Variants in SALL1 observed in about 807,000 individuals in gnomAD.
SALL1 encodes the protein spalt like transcription factor 1.
A neutral mutation model predicts 73.1 loss-of-function variants in SALL1; 10 were observed. The observed-to-expected ratio is 0.14, with a 90% CI of 0.08 to 0.23. The LOEUF (loss-of-function observed/expected upper bound fraction) is 0.23. Among genes scored for constraint, SALL1 ranks in the 10% least tolerant of loss-of-function variants. The probability of loss-of-function intolerance (pLI) is 1.00; values close to 1 mark genes in which losing one functional copy is unlikely to be tolerated. For missense variants in SALL1, 1,520 were observed against 1,697.3 expected (o/e 0.90, Z 1.84); for synonymous variants, 688 against 689.8 (o/e 1.00, Z 0.04).
chr16:51,149,259 CTTT>C (rs535438423), intron 1 of SALL1: 1 of 147,380 alleles, frequency 6.8e-6, no homozygotes, highest in African/African-American at 2.5e-5. Flanking sequence ...AAGGCCGAGA[CTTT>C]TTTTTTTTAA....
At chr16:51,151,288 A>T, upstream of SALL1, 3 of 1,388,880 alleles carry the variant, frequency 2.2e-6, no homozygotes, top group Non-Finnish European at 2.9e-6. Flanking sequence ...TACTAAAAAA[A>T]AATCTTCTCA....
In SALL1 at chr16:51,141,542, G is replaced by C. The variant is rs547591595; in HGVS notation, c.680C>G (p.Pro227Arg). ...GGASGGKLAVPALMEQLLALQ... is the reference protein window; with the variant it reads ...GGASGGKLAVRALMEQLLALQ... ...AGCTAGGAGTTGTTCCATGAGGGCT[G>C]GGACGGCCAGCTTGCCCCCAGAGGC... The change falls in exon 2 of 3, where the codon CCA becomes CGA. Residue 227 changes from proline to arginine, a missense_variant. Transcript: ENST00000251020. This position sits in a 1 kb window ranked among gnomAD's most constrained non-coding sequence, Gnocchi z 5.4. The C allele has an allele frequency of 1.9e-6, 3 of 1,614,108 alleles. No individual in the cohort carries two copies. The African/African-American group carries it at 4.0e-5, about 22-fold the overall frequency.
chr16:51,136,331 A>G lies in SALL1; in HGVS notation c.*781T>C, dbSNP rs1335435978. ...GCAGCATTGTGAAATTCCAGCACAC[A>G]TTTTCTATCGTGAATATACCTACAA... On this transcript the variant is annotated 3_prime_UTR_variant, in exon 3 of 3. Transcript: ENST00000251020. The G allele has an allele frequency of 6.6e-6, 1 of 152,608 alleles. No homozygotes were observed. The highest frequency in any genetic ancestry group is 1.5e-5 in the Non-Finnish European group (1 of 68,042). 9.5% of individuals were successfully genotyped at this position (152,608 alleles called of 1,614,324 possible). A position where few individuals can be genotyped will look rare whatever the true frequency, so the allele number is the denominator to read the frequency against.
In SALL1 at chr16:51,137,526, A is replaced by G. The variant is rs1962334470; in HGVS notation, c.3561T>C (p.Asn1187=). The G allele has an allele frequency of 6.2e-7, 1 of 1,613,516 alleles. No homozygotes were observed. Among genetic ancestry groups the G allele is most frequent in the South Asian group, 1.1e-5 (1 of 91,046 alleles). ...GCCGACCCCGTCGTGCAGGGGTGCT[A>G]TTCCACATGTGAGTGCCCATGTGTA... ...LKVHMGTHMW[N]STPARRGRRL... is the part of the protein sequence containing the mutation. Residue 1187 remains asparagine, a synonymous_variant, in exon 3 of 3, where the codon AAT becomes AAC. Coordinates refer to ENST00000251020, the MANE Select transcript of SALL1 (RefSeq NM_002968.3).
At position 51,140,376 on chromosome 16, in the gene SALL1, T is replaced by A; in HGVS notation, c.1846A>T (p.Thr616Ser). Reference sequence around the variant, plus strand: ...CTTTTGCCACCAGAGGGTGGCAGAGTGGACCCTTCGGCTTCCTCTGGGAGC... The same window carrying A: ...CTTTTGCCACCAGAGGGTGGCAGAGAGGACCCTTCGGCTTCCTCTGGGAGC... ...GGLPEEAEGS[T>S]LPPSGGKSEE... The change falls in exon 2 of 3, where the codon ACT (threonine) becomes TCT (serine). Residue 616 changes from threonine (T) to serine (S), a missense_variant. Physicochemically the swap from Thr to Ser is moderately conservative, Grantham distance 58. This residue lies in a region of SALL1 where 276 missense variants were observed against 259.1 expected (regional missense o/e 1.07). Coordinates refer to ENST00000251020, the MANE Select transcript of SALL1 (RefSeq NM_002968.3). The surrounding 1 kb of genome is among the most constrained non-coding windows in gnomAD (Gnocchi z 5.7). 1 of 1,614,052 alleles carries A rather than the reference T, an allele frequency of 6.2e-7. No individual in the cohort carries two copies. The highest frequency in any genetic ancestry group is 1.1e-5 in the South Asian group (1 of 91,078).
At chr16:51,149,620 G>A (rs1168091622) in intron 1 of SALL1, 1 of 152,198 alleles carries the variant, frequency 6.6e-6, no homozygotes, top group South Asian at 2.1e-4. Context: ...AACACTGGGG[G>A]CCGGGAGGAG....
rs747240842 is a variant in SALL1, at chr16:51,142,039, G to A, written c.183C>T (p.His61=). Reference sequence around the variant, plus strand: ...ATTGATTTTTAGTACAGTTCTTCTTGTGGAGCAGAAGATCTGATAATTCAA... The same window carrying A: ...ATTGATTTTTAGTACAGTTCTTCTTATGGAGCAGAAGATCTGATAATTCAA... The part of the protein sequence containing the change: ...EFFELSDLLL[H]KKNCTKNQLV... The change falls in exon 2 of 3, where the codon CAC becomes CAT. Residue 61 remains histidine, a synonymous_variant. Transcript: ENST00000251020. 16 of 1,613,706 alleles carry A rather than the reference G, an allele frequency of 9.9e-6. No homozygotes were observed. The highest frequency in any genetic ancestry group is 1.4e-5 in the Non-Finnish European group (16 of 1,179,782).
chr16:51,151,287 A>C (rs1962600207), upstream of SALL1: 3 of 1,397,916 alleles, frequency 2.1e-6, no homozygotes, highest in African/African-American at 1.5e-5. Flanking sequence ...TTACTAAAAA[A>C]AAATCTTCTC....
At chr16:51,148,449 A>C (rs545451969) in intron 1 of SALL1, among the ~76,000 whole-genome samples, 2 of 152,258 alleles carry the variant, frequency 1.3e-5, no homozygotes, top group Non-Finnish European at 2.9e-5. Flanking sequence ...TTCAAAGACC[A>C]TCTCAAGACA....
Position 51,136,630 on chromosome 16 carries a change from G to T in SALL1, c.*482C>A. On this transcript the variant is annotated 3_prime_UTR_variant, in exon 3 of 3. Coordinates refer to ENST00000251020, the MANE Select transcript of SALL1 (RefSeq NM_002968.3). ...TCCTTTCCTTAAATCTGTTTTGAAA[G>T]ATTAGACAATGTGTTTGCTGATAAA... is the stretch of plus-strand genomic sequence containing the variant. 1 of 164,770 alleles carries T rather than the reference G, an allele frequency of 6.1e-6. No individual in the cohort carries two copies. Among genetic ancestry groups the T allele is most frequent in the Admixed American group, 5.8e-5 (1 of 17,242 alleles). 10.2% of individuals were successfully genotyped at this position (164,770 alleles called of 1,614,324 possible).
At chr16:51,149,511 C>T (rs1236670160) in intron 1 of SALL1, 1 of 152,176 alleles carries the variant, frequency 6.6e-6, no homozygotes, top group Non-Finnish European at 1.5e-5. Flanking sequence ...ATCTACCCCG[C>T]GTGCTCGCTT....
chr16:51,151,600 C>G (rs902805470), upstream of SALL1, among the ~76,000 whole-genome samples: 3 of 151,336 alleles, frequency 2.0e-5, no homozygotes, highest in Admixed American at 6.6e-5. Context: ...CCGCGCCGCC[C>G]GACACTGGGT....
At position 51,139,746 on chromosome 16, in the gene SALL1, C is replaced by T. The variant is rs554506639; in HGVS notation, c.2476G>A (p.Asp826Asn). ...KNFDDLDNFS[D>N]ENMEDCPEGS... ...TCAGGACAGTCTTCCATGTTTTCATCAGAGAAGTTGTCTAGGTCATCAAAA... is the reference window on the plus strand; with the variant it reads ...TCAGGACAGTCTTCCATGTTTTCATTAGAGAAGTTGTCTAGGTCATCAAAA... The change falls in exon 2 of 3, where the codon GAT (aspartate) becomes AAT (asparagine). Residue 826 changes from aspartate (D) to asparagine (N), a missense_variant. This residue lies in a region of SALL1 where 266 missense variants were observed against 275.1 expected (regional missense o/e 0.97). Transcript: ENST00000251020. 1.9e-6 allele frequency: 3 copies of T among 1,614,192 alleles called. No individual in the cohort carries two copies. Among genetic ancestry groups the T allele is most frequent in the Admixed American group, 3.3e-5 (2 of 60,030 alleles).
rs1962386659 is a variant in SALL1, at chr16:51,139,936, G to A, written c.2286C>T (p.Leu762=). 1.9e-6 allele frequency: 3 copies of A among 1,614,190 alleles called. No homozygotes were observed. The African/African-American group carries it at 4.0e-5, about 22-fold the overall frequency. Residue 762 remains leucine, a synonymous_variant, in exon 2 of 3, where the codon CTC becomes CTT. Transcript: ENST00000251020. ...AGATGGGGCAGGAATGCTGGACTCT[G>A]AGCGGGGGCATAGCACGATGGACAC... The part of the protein sequence containing the change: ...HYSVHRAMPP[L]RVQHSCPICQ...
rs199701845 is a variant in SALL1 at position 51,137,123 on chromosome 16, C to T, written c.3964G>A (p.Val1322Ile). 179 of 1,614,060 alleles carry T rather than the reference C, an allele frequency of 1.1e-4. No individual in the cohort carries two copies. The highest frequency in any genetic ancestry group is 3.3e-4 in the Middle Eastern group (2 of 6,084). The change falls in exon 3 of 3, where the codon GTC becomes ATC. Residue 1322 changes from valine (V) to isoleucine (I), a missense_variant. By Grantham distance (29) the Val-to-Ile change is conservative (BLOSUM62 3). Transcript: ENST00000251020. ...TRFVEDSKEI[V>I]TS ...CAGCCCGAGCTGCTTTAACTCGTGA[C>T]GATCTCCTTGCTGTCCTCCACGAAG... is the stretch of plus-strand genomic sequence containing the variant.
intron 1 of SALL1, chr16:51,150,665 C>T: frequency 1.3e-6 from 1 of 766,130 alleles, no homozygotes; most frequent in Non-Finnish European, 1.6e-6. Flanking sequence ...GCGAACTCCC[C>T]CACGCTCGGA....
At position 51,138,964 on chromosome 16, in the gene SALL1, C is replaced by T; in HGVS notation, c.3258G>A (p.Lys1086=). ...CATGCACGAAGCCGTTGACCTCTGT[C>T]TTGATGAGAGATGACAACGAGTTGG... ...IPANSLSSLI[K]TEVNGFVHVS... The change falls in exon 2 of 3, where the codon AAG becomes AAA. Residue 1086 remains lysine (K), a synonymous_variant. Transcript: ENST00000251020. 1.2e-6 allele frequency: 2 copies of T among 1,614,140 alleles called. No individual in the cohort carries two copies. The highest frequency in any genetic ancestry group is 2.2e-5 in the South Asian group (2 of 91,076).
Position 51,138,714 on chromosome 16 carries a change from C to G in SALL1, c.3508G>C (p.Ala1170Pro). 6.2e-7 allele frequency: 1 copy of G among 1,613,882 alleles called. No individual in the cohort carries two copies. Among genetic ancestry groups the G allele is most frequent in the South Asian group, 1.1e-5 (1 of 91,034 alleles). ...KPFACTICGR[A>P]FTTKGNLKVH... ...TTAAGATTGCCTTTAGTCGTGAAAGCTCTTCCACAAATAGTGCAAGCAAAG... is the reference window on the plus strand; with the variant it reads ...TTAAGATTGCCTTTAGTCGTGAAAGGTCTTCCACAAATAGTGCAAGCAAAG... Residue 1170 changes from alanine to proline, a missense_variant, in exon 2 of 3, where the codon GCT becomes CCT. Physicochemically the swap from Ala to Pro is conservative, Grantham distance 27. Transcript: ENST00000251020.
At chr16:51,143,634 T>C (rs954431963) in intron 1 of SALL1, among the ~76,000 whole-genome samples, 1 of 152,236 alleles carries the variant, frequency 6.6e-6, no homozygotes, top group African/African-American at 2.4e-5. Context: ...TTTGCTTTTT[T>C]GTAGTAAACA....
Sources: allele counts gnomAD v4.1 joint callset (sites outside exome capture counted in the v4.1 genomes callset), GRCh38; gene constraint gnomAD v4.1.1; regional missense constraint gnomAD v4.1.1; non-coding constraint Gnocchi (gnomAD v3.1); transcripts MANE v1.5; gene names NCBI Gene and HGNC (gene_info 2026-07-23, HGNC 2026-07-21).